The following MTRES1 variants were observed in gnomAD, a reference collection of about 807,000 sequenced individuals.
MTRES1 encodes the protein uncharacterized protein C6orf203.
In MTRES1, 11 loss-of-function variants were observed where a neutral mutation model predicts 17.4. The observed-to-expected ratio is 0.63, with a 90% CI of 0.40 to 1.05. The LOEUF (loss-of-function observed/expected upper bound fraction) is 1.05. Among genes scored for constraint, MTRES1 ranks in the 50% least tolerant of loss-of-function variants. The pLI is 0.00. For synonymous variants in MTRES1, 94 were observed against 99.6 expected (o/e 0.94, Z 0.34); for missense variants, 268 against 276.2 (o/e 0.97, Z 0.21).
intron 3 of MTRES1, among the ~76,000 whole-genome samples, chr6:107,046,863 G>A (rs905216012): frequency 6.6e-6 from 1 of 151,966 alleles, no homozygotes; most frequent in Non-Finnish European, 1.5e-5. Context: ...TCTCTTCCTG[G>A]GATCAGTTGG....
At chr6:107,031,857 TC>T (rs879968634) in intron 1 of MTRES1, among the ~76,000 whole-genome samples, 1 of 152,064 alleles carries the variant, frequency 6.6e-6, no homozygotes. Context: ...CACCTCGGCC[TC>T]CCAAAGTGCT....
intron 2 of MTRES1, among the ~76,000 whole-genome samples, chr6:107,041,612 G>T (rs750229218): frequency 1.3e-5 from 2 of 151,920 alleles, no homozygotes; most frequent in Non-Finnish European, 2.9e-5. Flanking sequence ...TGCAAGCTCC[G>T]CCTCCCGGGT....
Position 107,041,522 on chromosome 6 carries a change from T to G in MTRES1, c.470+1292T>G, listed in dbSNP as rs2992123. Among the ~76,000 whole-genome samples, 205 of 152,134 alleles carry G rather than the reference T, an allele frequency of 1.3e-3. 2 individuals are homozygous for G. Among genetic ancestry groups the G allele is most frequent in the African/African-American group, 4.5e-3 (188 of 41,524 alleles). On this transcript the variant is annotated intron_variant, in intron 2 of 3. Transcript: ENST00000311381. The stretch of plus-strand genomic sequence containing the variant: ...ATAGAGGTATTTCTGGGTTTTTTTG[T>G]TTTTTGTTTTTTGCTTTTTTTGAGA...
intron 2 of MTRES1, among the ~76,000 whole-genome samples, chr6:107,042,848 C>G (rs1230777169): frequency 6.6e-6 from 1 of 152,164 alleles, no homozygotes. Context: ...CAGAATGGAG[C>G]TTGACATCTA....
In MTRES1 at chr6:107,037,563, C is replaced by G. The variant is rs1554227072; in HGVS notation, c.-12-2186C>G. ...CTCATCTCTACTAAATAAATTAAAT[C>G]TAAAAAATTTAAAGGCATTTTTATG... On this transcript the variant is annotated intron_variant, in intron 1 of 3. Transcript: ENST00000311381. 2.0e-5 allele frequency among the ~76,000 whole-genome samples: 3 copies of G among 152,144 alleles called. No homozygotes were observed. In the East Asian group the frequency reaches 5.8e-4, roughly 29 times the overall value.
intron 1 of MTRES1, among the ~76,000 whole-genome samples, chr6:107,038,601 C>T (rs564948323): frequency 1.3e-5 from 2 of 152,302 alleles, no homozygotes; most frequent in Non-Finnish European, 1.5e-5. Context: ...AATTTGCTCA[C>T]CCTTACCTCT....
intron 1 of MTRES1, among the ~76,000 whole-genome samples, chr6:107,029,769 C>G (rs1459305532): frequency 2.0e-5 from 3 of 152,202 alleles, no homozygotes; most frequent in African/African-American, 7.2e-5. Context: ...CAGGCATGAG[C>G]CACCGCGCCC....
intron 3 of MTRES1, among the ~76,000 whole-genome samples, chr6:107,050,095 G>A (rs1335210797): frequency 6.6e-6 from 1 of 152,192 alleles, no homozygotes; most frequent in African/African-American, 2.4e-5. Flanking sequence ...TCTGTCTTGG[G>A]CTGTCCATAC....
intron 1 of MTRES1, among the ~76,000 whole-genome samples, chr6:107,037,945 C>G (rs1458780444): frequency 6.6e-6 from 1 of 152,174 alleles, no homozygotes; most frequent in Non-Finnish European, 1.5e-5. Context: ...TCTTGAACTC[C>G]TGACCTCAGG....
chr6:107,030,060 T>C (rs1283663725), intron 1 of MTRES1: 4 of 718,338 alleles, frequency 5.6e-6, no homozygotes, highest in African/African-American at 1.7e-5. Flanking sequence ...TCTTCGTATT[T>C]TTTTCCTCTG....
intron 1 of MTRES1, among the ~76,000 whole-genome samples, chr6:107,034,812 A>AC (rs782690221): frequency 1.3e-5 from 2 of 152,094 alleles, no homozygotes; most frequent in East Asian, 3.9e-4. Flanking sequence ...ACATGGAGAA[A>AC]CCCCGTCTCT....
At chr6:107,029,531 T>A (rs1359340669) in intron 1 of MTRES1, among the ~76,000 whole-genome samples, 4 of 145,518 alleles carry the variant, frequency 2.7e-5, no homozygotes, top group Non-Finnish European at 6.0e-5. Context: ...TCGCCGAGGC[T>A]AGAATGCACT....
At chr6:107,031,382 T>C (rs1773830586) in intron 1 of MTRES1, among the ~76,000 whole-genome samples, 1 of 42,692 alleles carries the variant, frequency 2.3e-5, no homozygotes. Context: ...GAAGACCCTG[T>C]CTCAAAAAAA....
chr6:107,028,233 G>T lies in MTRES1; in HGVS notation c.-51G>T, dbSNP rs576834224. The T allele has an allele frequency of 6.6e-6, 1 of 152,168 alleles. No individual in the cohort carries two copies. Among genetic ancestry groups the T allele is most frequent in the Non-Finnish European group, 1.5e-5 (1 of 68,036 alleles). The allele number at this position is 152,168 out of a possible 1,614,324, so 9.4% of individuals were successfully genotyped here. ...GGGGTAGCCTGGAGGCCTGCAGTCCGCGCGGCCGCGGGGAGGGACGAGAGG... is the reference window on the plus strand; with the variant it reads ...GGGGTAGCCTGGAGGCCTGCAGTCCTCGCGGCCGCGGGGAGGGACGAGAGG... On this transcript the variant is annotated 5_prime_UTR_variant, in exon 1 of 4. Coordinates refer to ENST00000311381, the MANE Select transcript of MTRES1 (RefSeq NM_016487.5).
chr6:107,041,100 C>T (rs1774194732), intron 2 of MTRES1, among the ~76,000 whole-genome samples: 1 of 151,334 alleles, frequency 6.6e-6, no homozygotes, highest in Non-Finnish European at 1.5e-5. Flanking sequence ...GTGGCAGGCG[C>T]CTGTAGTCCC....
rs1774603491 is a variant in MTRES1, at chr6:107,051,470, CAG to C, written c.*237_*238del. ...CCTCCTCGTGTGAGAACCCCTTTGC[CAG>C]AGTGAGACGTGTGCAGAATGAACTA... On this transcript the variant is annotated 3_prime_UTR_variant, in exon 4 of 4. Transcript: ENST00000311381. 2.2e-6 allele frequency: 1 copy of C among 446,248 alleles called. No individual in the cohort carries two copies. 27.6% of individuals were successfully genotyped at this position (446,248 alleles called of 1,614,324 possible).
At chr6:107,033,994 A>G (rs1773927058) in intron 1 of MTRES1, among the ~76,000 whole-genome samples, 1 of 152,160 alleles carries the variant, frequency 6.6e-6, no homozygotes, top group Non-Finnish European at 1.5e-5. Flanking sequence ...ACATTTGCCA[A>G]TGTTTGCCTG....
At position 107,040,030 on chromosome 6, in the gene MTRES1, T is replaced by C; in HGVS notation, c.270T>C (p.Ser90=). 1 of 1,613,252 alleles carries C rather than the reference T, an allele frequency of 6.2e-7. No homozygotes were observed. The highest frequency in any genetic ancestry group is 8.5e-7 in the Non-Finnish European group (1 of 1,179,716). The change falls in exon 2 of 4, where the codon TCT becomes TCC. Residue 90 remains serine (S), a synonymous_variant. Transcript: ENST00000311381. The part of the protein sequence containing the change: ...FSVRLKSNIR[S]TKSTKKSLQK... ...TAAGACTCAAAAGTAATATAAGGTCTACAAAATCTACTAAAAAGTCTCTGC... is the reference window on the plus strand; with the variant it reads ...TAAGACTCAAAAGTAATATAAGGTCCACAAAATCTACTAAAAAGTCTCTGC...
At chr6:107,033,296 G>T (rs1220584439) in intron 1 of MTRES1, among the ~76,000 whole-genome samples, 5 of 152,098 alleles carry the variant, frequency 3.3e-5, no homozygotes, top group African/African-American at 1.2e-4. Context: ...GGCATGTGGG[G>T]CATGGCTTGG....
Sources: gnomAD v4.1 joint callset for allele counts (sites outside exome capture counted in the v4.1 genomes callset) on GRCh38, gnomAD v4.1.1 for gene constraint, MANE v1.5 for transcripts, NCBI Gene and HGNC (gene_info 2026-07-23, HGNC 2026-07-21) for gene names.